The following OPA3 variants were observed in gnomAD, a reference collection of about 807,000 sequenced individuals.
OPA3 encodes the protein outer mitochondrial membrane lipid metabolism regulator OPA3, also known as optic atrophy 3 protein.
A neutral mutation model predicts 4.0 loss-of-function variants in OPA3; 6 were observed. The ratio of observed to expected loss-of-function variants is 1.51; its 90% CI spans 0.83 to 2.99. The LOEUF is 2.99. OPA3 is among the 30% of genes most tolerant of loss of function. The pLI, the probability that OPA3 is intolerant of heterozygous loss-of-function variation, is 0.00. For synonymous variants in OPA3, 105 were observed against 117.1 expected (o/e 0.90, Z 0.67); for missense variants, 235 against 256.2 (o/e 0.92, Z 0.56).
chr19:45,540,084 C>T (rs758242695), intron 1 of OPA3, among the ~76,000 whole-genome samples: 7 of 151,770 alleles, frequency 4.6e-5, no homozygotes, highest in East Asian at 2.0e-4. Context: ...TTTGGGAGGC[C>T]GAGGCAGGTG....
At chr19:45,565,812 G>T (rs957715237) in intron 1 of OPA3, among the ~76,000 whole-genome samples, 13 of 151,962 alleles carry the variant, frequency 8.6e-5, no homozygotes, top group African/African-American at 3.1e-4. Context: ...TTAGCTGTAC[G>T]TGGTGGTGCA....
intron 1 of OPA3, among the ~76,000 whole-genome samples, chr19:45,539,838 A>C (rs996853403): frequency 6.6e-6 from 1 of 152,164 alleles, no homozygotes; most frequent in Non-Finnish European, 1.5e-5. Flanking sequence ...TGTCCCAAAT[A>C]ATGCAATCTA....
At chr19:45,572,027 G>A (rs1488320021) in intron 1 of OPA3, among the ~76,000 whole-genome samples, 2 of 150,322 alleles carry the variant, frequency 1.3e-5, no homozygotes, top group African/African-American at 2.4e-5. Context: ...ATAATTCCAC[G>A]TTTGCAGGCT....
In OPA3 at chr19:45,549,840, TC is replaced by T; in HGVS notation, c.*3673del. The T allele has an allele frequency of 1.0e-6, 1 of 984,944 alleles. No individual in the cohort carries two copies. The highest frequency in any genetic ancestry group is 1.2e-6 in the Non-Finnish European group (1 of 829,978). The allele number at this position is 984,944 out of a possible 1,614,324, so 61.0% of individuals were successfully genotyped here. ...GGTCAGTTCCCTCTGCTCCAGCTTCTCCCCCTCTTCCAGAAGGAACTGAAAT... is the reference window on the plus strand; with the variant it reads ...GGTCAGTTCCCTCTGCTCCAGCTTCTCCCCTCTTCCAGAAGGAACTGAAAT... On this transcript the variant is annotated 3_prime_UTR_variant, in exon 2 of 2. Coordinates refer to ENST00000263275, the MANE Select transcript of OPA3 (RefSeq NM_025136.4).
At position 45,551,845 on chromosome 19, in the gene OPA3, A is replaced by G. The variant is rs2122430646; in HGVS notation, c.*1669T>C. 7 of 985,600 alleles carry G rather than the reference A, an allele frequency of 7.1e-6. No homozygotes were observed. In the South Asian group the frequency reaches 3.3e-4, roughly 46 times the overall value. The allele number at this position is 985,600 out of a possible 1,614,324, so 61.1% of individuals were successfully genotyped here. On this transcript the variant is annotated 3_prime_UTR_variant, in exon 2 of 2. Transcript: ENST00000263275. ...AGCAAGAGCACACAGATTAGGAGAC[A>G]CGGATGGAAGATGAAGGATGTGACA...
rs1041339854 is a variant in OPA3 at position 45,547,396 on chromosome 19, G to A, written c.*6118C>T. 2.0e-5 allele frequency: 3 copies of A among 152,090 alleles called. No homozygotes were observed. Among genetic ancestry groups the A allele is most frequent in the Non-Finnish European group, 2.9e-5 (2 of 68,016 alleles). 9.4% of individuals were successfully genotyped at this position (152,090 alleles called of 1,614,324 possible). On this transcript the variant is annotated 3_prime_UTR_variant, in exon 2 of 2. Coordinates refer to ENST00000263275, the MANE Select transcript of OPA3 (RefSeq NM_025136.4). ...AATATGCAAACGAATGAGCGCCTGG[G>A]TTCCAATAAGTCTTTATTTACAAAG...
chr19:45,536,666 A>C (rs1052165638), intron 1 of OPA3, among the ~76,000 whole-genome samples: 3 of 152,226 alleles, frequency 2.0e-5, no homozygotes, highest in Admixed American at 2.0e-4. Flanking sequence ...TAATCATCAA[A>C]ACAGGGTGGC....
At chr19:45,572,837 C>CTA (rs1395952709) in intron 1 of OPA3, among the ~76,000 whole-genome samples, 3 of 138,836 alleles carry the variant, frequency 2.2e-5, no homozygotes, top group Non-Finnish European at 3.0e-5. Flanking sequence ...CGATATATAT[C>CTA]TATCTATATA....
intron 1 of OPA3, among the ~76,000 whole-genome samples, chr19:45,563,332 G>T (rs1247751041): frequency 6.6e-6 from 1 of 151,774 alleles, no homozygotes; most frequent in Non-Finnish European, 1.5e-5. Flanking sequence ...GCTAATTTTT[G>T]TATTTTTAGT....
chr19:45,529,230 C>G, exon 2 of OPA3: 1 of 1,613,086 alleles, frequency 6.2e-7, no homozygotes, highest in East Asian at 2.2e-5. Flanking sequence ...CCACCTCGCC[C>G]CGCAGCGCCT....
At chr19:45,579,914 A>G (rs937078346) in intron 1 of OPA3, among the ~76,000 whole-genome samples, 10 of 152,004 alleles carry the variant, frequency 6.6e-5, no homozygotes, top group African/African-American at 2.4e-4. Flanking sequence ...GAGGGGCTAA[A>G]TGACGTACCC....
chr19:45,553,658 C>T lies in OPA3; in HGVS notation c.396G>A (p.Ala132=). The change falls in exon 2 of 2, where the codon GCG becomes GCA. Residue 132 remains alanine (A), a synonymous_variant. Transcript: ENST00000263275. ...GCACCTGCGCCTGCAGCGCTTCCAG[C>T]GCCAGCGCCAGGTGGCCCACCTCGT... The part of the protein sequence containing the change: ...LRDEVGHLAL[A]LEALQAQVQA... The T allele has an allele frequency of 6.2e-7, 1 of 1,604,790 alleles. No homozygotes were observed. The highest frequency in any genetic ancestry group is 8.5e-7 in the Non-Finnish European group (1 of 1,178,298).
At chr19:45,535,925 C>G (rs1159911829) in intron 1 of OPA3, among the ~76,000 whole-genome samples, 1 of 151,868 alleles carries the variant, frequency 6.6e-6, no homozygotes, top group African/African-American at 2.4e-5. Flanking sequence ...CTGCCACACC[C>G]TGCTAGAAAC....
downstream of OPA3, among the ~76,000 whole-genome samples, chr19:45,545,181 A>AC (rs1207262093): frequency 2.5e-4 from 37 of 146,040 alleles, 4 homozygotes; most frequent in East Asian, 2.8e-3. Context: ...AAAAAAAACA[A>AC]AAAAACAAAA....
In OPA3 at chr19:45,551,585, G is replaced by T; in HGVS notation, c.*1929C>A. 2.0e-6 allele frequency: 1 copy of T among 488,032 alleles called. No individual in the cohort carries two copies. The highest frequency in any genetic ancestry group is 2.7e-6 in the Non-Finnish European group (1 of 375,532). 30.2% of individuals were successfully genotyped at this position (488,032 alleles called of 1,614,324 possible). A position where few individuals can be genotyped will look rare whatever the true frequency, so the allele number is the denominator to read the frequency against. On this transcript the variant is annotated 3_prime_UTR_variant, in exon 2 of 2. Transcript: ENST00000263275. ...GGAGCGTGTCCCTGTCAGCACCTTG[G>T]TTTCAGACTTCTGGACTCCAGAACT...
chr19:45,550,653 C>T lies in OPA3; in HGVS notation c.*2861G>A, dbSNP rs1364389530. On this transcript the variant is annotated 3_prime_UTR_variant, in exon 2 of 2. Coordinates refer to ENST00000263275, the MANE Select transcript of OPA3 (RefSeq NM_025136.4). Reference sequence around the variant, plus strand: ...ACCCCTGGCCTTAGTTTCCCCAGCTCATAGGGTGACTCTTGGGCCTCTCCC... The same window carrying T: ...ACCCCTGGCCTTAGTTTCCCCAGCTTATAGGGTGACTCTTGGGCCTCTCCC... 1 of 985,922 alleles carries T rather than the reference C, an allele frequency of 1.0e-6. No individual in the cohort carries two copies. The highest frequency in any genetic ancestry group is 1.2e-6 in the Non-Finnish European group (1 of 830,362). The allele number at this position is 985,922 out of a possible 1,614,324, so 61.1% of individuals were successfully genotyped here. A position where few individuals can be genotyped will look rare whatever the true frequency, so the allele number is the denominator to read the frequency against.
Position 45,550,394 on chromosome 19 carries a change from T to TC in OPA3, c.*3119_*3120insG. On this transcript the variant is annotated 3_prime_UTR_variant, in exon 2 of 2. Transcript: ENST00000263275. The stretch of plus-strand genomic sequence containing the variant: ...CAATGCTATGATCTCTGGTGTGATC[T>TC]GGGGCTGCTCTGAGAGGGGATAGAG... The TC allele has an allele frequency of 1.1e-6, 1 of 873,032 alleles. No homozygotes were observed. Among genetic ancestry groups the TC allele is most frequent in the Non-Finnish European group, 1.3e-6 (1 of 770,156 alleles). The allele number at this position is 873,032 out of a possible 1,614,324, so 54.1% of individuals were successfully genotyped here.
intron 1 of OPA3, among the ~76,000 whole-genome samples, chr19:45,531,754 C>T (rs922193917): frequency 3.3e-5 from 5 of 152,146 alleles, no homozygotes; most frequent in East Asian, 1.9e-4. Flanking sequence ...CCTGGTTCCA[C>T]GATGTGTAAA....
intron 1 of OPA3, among the ~76,000 whole-genome samples, chr19:45,535,555 C>T (rs1330148971): frequency 6.6e-6 from 1 of 151,568 alleles, no homozygotes; most frequent in Admixed American, 6.6e-5. Context: ...GACAGGGTTT[C>T]GCCATGTTGT....
Sources: gnomAD v4.1 joint callset for allele counts (sites outside exome capture counted in the v4.1 genomes callset) on GRCh38, gnomAD v4.1.1 for gene constraint, MANE v1.5 for transcripts, NCBI Gene and HGNC (gene_info 2026-07-23, HGNC 2026-07-21) for gene names.